Variants in A2ML1 observed in about 807,000 individuals in gnomAD.
A2ML1 encodes the protein alpha-2-macroglobulin like 1.
In A2ML1, 161 loss-of-function variants were observed where a neutral mutation model predicts 181.9. The ratio of observed to expected loss-of-function variants is 0.89; its 90% CI spans 0.78 to 1.01. A2ML1 has a LOEUF of 1.01. Ranked by LOEUF, A2ML1 falls within the 50% of genes least tolerant of loss-of-function variation. The pLI is 0.00. For synonymous variants in A2ML1, 663 were observed against 666.8 expected (o/e 0.99, Z 0.09); for missense variants, 1,670 against 1,768.1 (o/e 0.94, Z 1.00).
intron 3 of A2ML1, among the ~76,000 whole-genome samples, chr12:8,827,345 A>ATAT (rs1287641108): frequency 6.6e-6 from 1 of 152,168 alleles, no homozygotes; most frequent in Admixed American, 6.5e-5. Context: ...TCAAATAATA[A>ATAT]TAATATTGAT....
chr12:8,886,762 G>A (rs1385470903), exon 8 of A2ML1: 2 of 152,124 alleles, frequency 1.3e-5, no homozygotes, highest in African/African-American at 4.8e-5. Flanking sequence ...CATTGGATTA[G>A]CCACCCTTAT....
At chr12:8,849,500 C>G (rs764435861) in intron 16 of A2ML1, among the ~76,000 whole-genome samples, 169 bp from the exon 17 acceptor site, 1 of 152,312 alleles carries the variant, frequency 6.6e-6, no homozygotes, top group South Asian at 2.1e-4. Flanking sequence ...CTAGCTGGAA[C>G]AGAAGCCAAC....
chr12:8,849,058 C>T (rs988405889), intron 16 of A2ML1, 144 bp downstream of exon 16: 16 of 877,180 alleles, frequency 1.8e-5, no homozygotes, highest in Admixed American at 1.2e-4. Flanking sequence ...CGTGTAAGGT[C>T]GCCTCTGTTG....
intron 29 of A2ML1, among the ~76,000 whole-genome samples, 154 bp from the exon 30 acceptor site, chr12:8,867,688 T>G (rs1367697790): frequency 6.6e-6 from 1 of 151,590 alleles, no homozygotes; most frequent in East Asian, 1.9e-4. Flanking sequence ...CTAGGCCAGC[T>G]TCTCCAGAGG....
intron 12 of A2ML1, among the ~76,000 whole-genome samples, chr12:8,844,326 T>C (rs1427336324): frequency 1.3e-5 from 2 of 150,734 alleles, no homozygotes; most frequent in Non-Finnish European, 3.0e-5. Flanking sequence ...GGTCTTGAAC[T>C]CCTGACCTCA....
In A2ML1 at chr12:8,857,454, G is replaced by A. The variant is rs78428703; in HGVS notation, c.3026-53G>A. 10,026 of 1,609,014 alleles carry A rather than the reference G, an allele frequency of 6.2e-3. 590 individuals are homozygous for A. The African/African-American group carries it at 0.12, about 19-fold the overall frequency. On this transcript the variant is annotated intron_variant, in intron 24 of 35. Transcript: ENST00000299698. The stretch of plus-strand genomic sequence containing the variant: ...GTGTCCCATATCCTTGAACGGCATG[G>A]GGGTGTTTTCTGAAGTTGTCGCTGT...
In A2ML1 at chr12:8,861,264, C is replaced by T; in HGVS notation, c.3469C>T (p.Leu1157Phe). Residue 1157 changes from leucine (L) to phenylalanine (F), a missense_variant, in exon 28 of 36, where the codon CTT becomes TTT. Coordinates refer to ENST00000299698, the MANE Select transcript of A2ML1 (RefSeq NM_144670.6). ...AGEMDIRNIL[L>F]KQLDQQAIIS... Reference sequence around the variant, plus strand: ...GGAAATGGACATCAGAAACATTCTCCTTAAACAGTTAGATCAACAGGCTAT... The same window carrying T: ...GGAAATGGACATCAGAAACATTCTCTTTAAACAGTTAGATCAACAGGCTAT... 6.2e-7 allele frequency: 1 copy of T among 1,614,096 alleles called. No homozygotes were observed. Among genetic ancestry groups the T allele is most frequent in the Non-Finnish European group, 8.5e-7 (1 of 1,180,034 alleles).
At chr12:8,868,457 CGTGTGTGT>C in intron 31 of A2ML1, 72 bp from the exon 32 acceptor site, 2 of 1,442,466 alleles carry the variant, frequency 1.4e-6, no homozygotes, top group South Asian at 1.3e-5. Flanking sequence ...TGTGTGTGTA[CGTGTGTGT>C]GTGTGTGTGT....
At position 8,860,935 on chromosome 12, in the gene A2ML1, G is replaced by A; in HGVS notation, c.3319G>A (p.Glu1107Lys). 1 of 1,614,058 alleles carries A rather than the reference G, an allele frequency of 6.2e-7. No homozygotes were observed. Among genetic ancestry groups the A allele is most frequent in the South Asian group, 1.1e-5 (1 of 91,072 alleles). The change falls in exon 27 of 36, where the codon GAG (glutamate) becomes AAG (lysine). Residue 1107 changes from glutamate (E) to lysine (K), a missense_variant. Glu to Lys is a moderately conservative substitution (Grantham distance 56). Coordinates refer to ENST00000299698, the MANE Select transcript of A2ML1 (RefSeq NM_144670.6). The part of the protein sequence containing the change: ...LTAYVTAALL[E>K]MGKDVDDPMV... Reference sequence around the variant, plus strand: ...TGCGTATGTCACAGCTGCATTGCTGGAGATGGGAAAGGATGTAGATGTAAG... The same window carrying A: ...TGCGTATGTCACAGCTGCATTGCTGAAGATGGGAAAGGATGTAGATGTAAG...
At chr12:8,847,098 CTTTTT>C (rs1212257948) in intron 14 of A2ML1, among the ~76,000 whole-genome samples, 2 of 93,302 alleles carry the variant, frequency 2.1e-5, no homozygotes, top group African/African-American at 4.5e-5. Flanking sequence ...CCATGCCTGG[CTTTTT>C]TTTTTTTTTT....
intron 23 of A2ML1, among the ~76,000 whole-genome samples, chr12:8,856,961 G>C (rs1944085927): frequency 6.9e-6 from 1 of 144,732 alleles, no homozygotes; most frequent in African/African-American, 2.6e-5. Flanking sequence ...GGTCAGGCTG[G>C]TCTCGAACTC....
chr12:8,867,928 C>A lies in A2ML1; in HGVS notation c.3804C>A (p.Ser1268=). 1 of 1,614,236 alleles carries A rather than the reference C, an allele frequency of 6.2e-7. No individual in the cohort carries two copies. Among genetic ancestry groups the A allele is most frequent in the East Asian group, 2.2e-5 (1 of 44,884 alleles). ...AGGAGATCAACCTGGTTGTAAAATC[C>A]ACTGAGAATTTCCAGCGCACATTCA... ...PSEEINLVVK[S]TENFQRTFNI... is the part of the protein sequence containing the mutation. Residue 1268 remains serine (S), a synonymous_variant, in exon 30 of 36, where the codon TCC becomes TCA. Transcript: ENST00000299698.
At chr12:8,834,620 G>A in intron 4 of A2ML1, 42 bp from the exon 5 acceptor site, 1 of 1,611,594 alleles carries the variant, frequency 6.2e-7, no homozygotes, top group Non-Finnish European at 8.5e-7. Context: ...TCTTATTGCT[G>A]TCAACCTTCT....
intron 3 of A2ML1, among the ~76,000 whole-genome samples, chr12:8,825,875 C>G (rs1942913387): frequency 6.6e-6 from 1 of 152,116 alleles, no homozygotes; most frequent in Non-Finnish European, 1.5e-5. Flanking sequence ...AGTGTATACA[C>G]TTGTCACCTT....
rs368141632 is a variant in A2ML1 at position 8,839,067 on chromosome 12, G to C, written c.971-46G>C. 48 of 1,294,812 alleles carry C rather than the reference G, an allele frequency of 3.7e-5. No individual in the cohort carries two copies. In the African/African-American group the frequency reaches 6.6e-4, roughly 18 times the overall value. 80.2% of individuals were successfully genotyped at this position (1,294,812 alleles called of 1,614,324 possible). A position where few individuals can be genotyped will look rare whatever the true frequency, so the allele number is the denominator to read the frequency against. ...GACTTGACATTAAACGTGAAGATGA[G>C]AATATCAGGTGCCTAGATCTTTATA... On this transcript the variant is annotated intron_variant, in intron 9 of 35. Coordinates refer to ENST00000299698, the MANE Select transcript of A2ML1 (RefSeq NM_144670.6).
In A2ML1 at chr12:8,837,689, G is replaced by C. The variant is rs988781059; in HGVS notation, c.855+123G>C. 8.4e-6 allele frequency: 9 copies of C among 1,071,118 alleles called. No homozygotes were observed. In the African/African-American group the frequency reaches 1.3e-4, roughly 16 times the overall value. The allele number at this position is 1,071,118 out of a possible 1,614,324, so 66.4% of individuals were successfully genotyped here. A position where few individuals can be genotyped will look rare whatever the true frequency, so the allele number is the denominator to read the frequency against. ...GAGGTCAGGAGTTTGAGACCAGCCT[G>C]ACCAATATGGGGAAACCCCGTCTCT... is the stretch of plus-strand genomic sequence containing the variant. On this transcript the variant is annotated intron_variant, in intron 8 of 35. Coordinates refer to ENST00000299698, the MANE Select transcript of A2ML1 (RefSeq NM_144670.6).
At chr12:8,845,026 G>A in intron 12 of A2ML1, 3 of 1,432,324 alleles carry the variant, frequency 2.1e-6, no homozygotes, top group South Asian at 1.5e-5. Context: ...GCTCAGGGTG[G>A]TTTAGGATGA....
In A2ML1 at chr12:8,832,793, C is replaced by T. The variant is rs753524799; in HGVS notation, c.463-1869C>T. Among the ~76,000 whole-genome samples the T allele has an allele frequency of 1.2e-4, 18 of 152,228 alleles. 1 individual carries two copies. The East Asian group carries it at 3.3e-3, about 28-fold the overall frequency. On this transcript the variant is annotated intron_variant, in intron 4 of 35. Transcript: ENST00000299698. ...AGAAGCAAGATAGCGTTGGTTAGGT[C>T]TGATTTCTTTCACTGTCATCGTTTC... is the stretch of plus-strand genomic sequence containing the variant.
rs1162715531 is a variant in A2ML1, at chr12:8,868,222, C to T, written c.3934-8C>T. 3 of 1,613,660 alleles carry T rather than the reference C, an allele frequency of 1.9e-6. No individual in the cohort carries two copies. Among genetic ancestry groups the T allele is most frequent in the Non-Finnish European group, 2.5e-6 (3 of 1,179,956 alleles). ...AGTCTGATTTGGCTACCTATTTCTT[C>T]CTACCAGACGGTGTTGAGATACAAT... On this transcript the variant is annotated splice_region_variant and splice_polypyrimidine_tract_variant and intron_variant, in intron 30 of 35. Coordinates refer to ENST00000299698, the MANE Select transcript of A2ML1 (RefSeq NM_144670.6).
Sources: allele counts gnomAD v4.1 joint callset (sites outside exome capture counted in the v4.1 genomes callset), GRCh38; gene constraint gnomAD v4.1.1; transcripts MANE v1.5; gene names NCBI Gene and HGNC (gene_info 2026-07-23, HGNC 2026-07-21).